KIAA1328: variants seen among roughly 807,000 people sequenced by gnomAD.
KIAA1328 encodes the protein KIAA1328, also known as protein hinderin.
Under a neutral mutation model 68.1 loss-of-function variants are expected in KIAA1328, and 52 were observed. That is an observed-to-expected ratio of 0.76 (90% CI 0.61 to 0.96). The LOEUF (loss-of-function observed/expected upper bound fraction) is 0.96. Ranked by LOEUF, KIAA1328 falls within the 40% of genes least tolerant of loss-of-function variation. The probability of loss-of-function intolerance (pLI) is 0.00; values close to 1 mark genes in which losing one functional copy is unlikely to be tolerated. For synonymous variants in KIAA1328, 232 were observed against 239.4 expected (o/e 0.97, Z 0.28); for missense variants, 641 against 677.6 (o/e 0.95, Z 0.60).
In KIAA1328 at chr18:36,862,000, C is replaced by T. The variant is rs182442562; in HGVS notation, c.332+17698C>T. On this transcript the variant is annotated intron_variant, in intron 4 of 9. Transcript: ENST00000280020. ...TTATTTTATTCTAATCCAGGACTCA[C>T]CAAAACAAAAATGAAATAAGATGTT... Among the ~76,000 whole-genome samples the T allele has an allele frequency of 1.3e-4, 20 of 152,010 alleles. No homozygotes were observed. In the East Asian group the frequency reaches 3.3e-3, roughly 25 times the overall value.
chr18:37,180,149 T>G (rs770512051), intron 9 of KIAA1328, among the ~76,000 whole-genome samples: 10 of 151,702 alleles, frequency 6.6e-5, no homozygotes, highest in Middle Eastern at 3.2e-3. Flanking sequence ...AATTTATAAT[T>G]GCCTGTTCAC....
chr18:36,869,668 T>C (rs1460373447), intron 4 of KIAA1328, among the ~76,000 whole-genome samples: 9 of 152,226 alleles, frequency 5.9e-5, no homozygotes, highest in African/African-American at 2.2e-4. Flanking sequence ...ATGCCTGTTG[T>C]AGTGAATTTA....
chr18:37,036,394 G>A (rs752617463), intron 6 of KIAA1328, among the ~76,000 whole-genome samples: 7 of 152,202 alleles, frequency 4.6e-5, no homozygotes, highest in Non-Finnish European at 1.5e-5. Flanking sequence ...TACTAAGCCT[G>A]ATATAGACCC....
chr18:37,205,100 A>G (rs746386600), intron 9 of KIAA1328, among the ~76,000 whole-genome samples: 4 of 152,204 alleles, frequency 2.6e-5, no homozygotes, highest in Non-Finnish European at 5.9e-5. Context: ...GCAGTCCTCA[A>G]TAGATCCAGA....
chr18:37,101,922 C>T (rs980142876), intron 7 of KIAA1328, among the ~76,000 whole-genome samples: 1 of 152,110 alleles, frequency 6.6e-6, no homozygotes, highest in African/African-American at 2.4e-5. Flanking sequence ...AACTAAGCTT[C>T]ATAAGTGAAG....
At chr18:36,999,193 T>G (rs1183274088) in intron 6 of KIAA1328, among the ~76,000 whole-genome samples, 1 of 152,048 alleles carries the variant, frequency 6.6e-6, no homozygotes, top group South Asian at 2.1e-4. Context: ...AACTCAGAAC[T>G]TAAAGATGAG....
intron 6 of KIAA1328, among the ~76,000 whole-genome samples, chr18:37,038,629 C>G (rs966466134): frequency 4.6e-5 from 7 of 152,016 alleles, no homozygotes; most frequent in African/African-American, 1.7e-4. Context: ...TTAGGATTTT[C>G]TACATAAAGG....
chr18:37,179,700 G>T (rs2059662226), intron 9 of KIAA1328, among the ~76,000 whole-genome samples: 1 of 152,100 alleles, frequency 6.6e-6, no homozygotes, highest in Admixed American at 6.6e-5. Context: ...TCTCTGTTGT[G>T]AATACATTAT....
intron 7 of KIAA1328, among the ~76,000 whole-genome samples, chr18:37,105,782 T>C (rs2057753497): frequency 1.3e-5 from 2 of 151,058 alleles, no homozygotes; most frequent in South Asian, 4.2e-4. Flanking sequence ...CTTGGCTTGG[T>C]GGCAGGCACC....
intron 4 of KIAA1328, among the ~76,000 whole-genome samples, chr18:36,857,742 C>T (rs1255067250): frequency 6.6e-6 from 1 of 152,180 alleles, no homozygotes; most frequent in East Asian, 1.9e-4. Flanking sequence ...TTTTTGGAGC[C>T]CCCTACTCTG....
chr18:36,997,907 CA>C (rs539401773), intron 6 of KIAA1328, among the ~76,000 whole-genome samples: 63 of 152,288 alleles, frequency 4.1e-4, no homozygotes, highest in African/African-American at 1.5e-3. Context: ...GGAGTGAACC[CA>C]ACCAGGACTG....
At chr18:36,839,941 A>G (rs1279473341) in intron 3 of KIAA1328, among the ~76,000 whole-genome samples, 1 of 152,146 alleles carries the variant, frequency 6.6e-6, no homozygotes, top group Non-Finnish European at 1.5e-5. Flanking sequence ...TCACATACAT[A>G]TGCTGGTCAG....
chr18:37,073,330 C>G (rs1157847852), intron 7 of KIAA1328, among the ~76,000 whole-genome samples: 1 of 151,986 alleles, frequency 6.6e-6, no homozygotes, highest in African/African-American at 2.4e-5. Flanking sequence ...GAAAAACAAC[C>G]CCATCAAAAA....
chr18:36,884,952 C>A (rs2048448999), intron 4 of KIAA1328, among the ~76,000 whole-genome samples: 1 of 151,650 alleles, frequency 6.6e-6, no homozygotes, highest in African/African-American at 2.4e-5. Flanking sequence ...TTTTCTTGGT[C>A]CATGTTTTTA....
At chr18:36,992,302 T>C (rs1185576747) in intron 6 of KIAA1328, among the ~76,000 whole-genome samples, 2 of 152,134 alleles carry the variant, frequency 1.3e-5, no homozygotes, top group African/African-American at 2.4e-5. Context: ...GCTTTTTGGG[T>C]CCTTTTCTCC....
intron 6 of KIAA1328, among the ~76,000 whole-genome samples, chr18:36,986,452 A>G (rs2151391340): frequency 7.1e-6 from 1 of 141,410 alleles, no homozygotes; most frequent in East Asian, 2.1e-4. Flanking sequence ...AAACACCAAA[A>G]GCAATGGCAA....
chr18:37,178,876 C>A (rs2059645390), intron 9 of KIAA1328, among the ~76,000 whole-genome samples: 2 of 151,952 alleles, frequency 1.3e-5, no homozygotes, highest in Admixed American at 1.3e-4. Context: ...TTAATGTTTT[C>A]CTTTGAGAAA....
At chr18:37,214,784 A>G (rs2060393396) in intron 9 of KIAA1328, among the ~76,000 whole-genome samples, 1 of 152,210 alleles carries the variant, frequency 6.6e-6, no homozygotes, top group African/African-American at 2.4e-5. Context: ...ATCCATGAGC[A>G]TGGAATGGTT....
chr18:37,078,848 G>A (rs1247608231), intron 7 of KIAA1328, among the ~76,000 whole-genome samples: 2 of 150,114 alleles, frequency 1.3e-5, no homozygotes, highest in South Asian at 2.1e-4. Context: ...TGGAGAGGAT[G>A]TGGAGAAATA....
Sources: gnomAD v4.1 joint callset for allele counts (sites outside exome capture counted in the v4.1 genomes callset) on GRCh38, gnomAD v4.1.1 for gene constraint, MANE v1.5 for transcripts, NCBI Gene and HGNC (gene_info 2026-07-23, HGNC 2026-07-21) for gene names.